Variants in RASSF3 observed in about 807,000 individuals in gnomAD.
RASSF3 encodes ras association domain-containing protein 3.
A neutral mutation model predicts 19.9 loss-of-function variants in RASSF3; 19 were observed. The observed-to-expected ratio is 0.96, with a 90% CI of 0.67 to 1.40. The LOEUF (loss-of-function observed/expected upper bound fraction) is 1.40. Among genes scored for constraint, RASSF3 ranks in the 40% most tolerant of loss-of-function variants. The pLI is 0.00. For missense variants in RASSF3, 306 were observed against 289.8 expected, an observed-to-expected ratio of 1.06 and a Z score of -0.41; for synonymous variants, 110 against 104.2, an observed-to-expected ratio of 1.06 and a Z score of -0.34.
In RASSF3 at chr12:64,671,135, A is replaced by T. The variant is rs576314121; in HGVS notation, c.112-13652A>T. Among the ~76,000 whole-genome samples, 4 of 152,268 alleles carry T rather than the reference A, an allele frequency of 2.6e-5. No individual in the cohort carries two copies. In the East Asian group the frequency reaches 7.7e-4, roughly 29 times the overall value. ...ACTCTCCCTTTGCCCCATCCCAAGA[A>T]TTTGGGTTGGCTAATCCTGCCCTGT... On this transcript the variant is annotated intron_variant, in intron 1 of 4. Transcript: ENST00000542104.
chr12:64,545,850 C>T (rs1420212000), downstream of RASSF3, among the ~76,000 whole-genome samples: 2 of 152,108 alleles, frequency 1.3e-5, no homozygotes. Flanking sequence ...TACATTCCTG[C>T]CTGGGTGACA....
intron 1 of RASSF3, among the ~76,000 whole-genome samples, chr12:64,667,429 C>T (rs925593994): frequency 2.6e-5 from 4 of 152,072 alleles, no homozygotes; most frequent in Admixed American, 1.3e-4. Flanking sequence ...CAGGTTCAAG[C>T]GATTCTCCCG....
intron 1 of RASSF3, among the ~76,000 whole-genome samples, chr12:64,526,794 C>T (rs1024026085): frequency 6.6e-5 from 10 of 152,182 alleles, no homozygotes; most frequent in African/African-American, 2.4e-4. Context: ...GATCCTCTTG[C>T]CTTAGCCTCC....
chr12:64,510,107 AT>A (rs1294052659), intron 1 of RASSF3, among the ~76,000 whole-genome samples: 1 of 149,536 alleles, frequency 6.7e-6, no homozygotes, highest in East Asian at 2.0e-4. Context: ...AAAAAAAAAA[AT>A]TTCTGTTGAA....
At chr12:64,529,291 A>G (rs1413289608), upstream of RASSF3, among the ~76,000 whole-genome samples, 1 of 152,232 alleles carries the variant, frequency 6.6e-6, no homozygotes, top group African/African-American at 2.4e-5. Context: ...TAAGCTAATT[A>G]TTACTGTTTT....
intron 2 of RASSF3, among the ~76,000 whole-genome samples, chr12:64,582,961 A>G (rs1869728633): frequency 6.6e-6 from 1 of 152,328 alleles, no homozygotes; most frequent in South Asian, 2.1e-4. Context: ...ATTTTGAAGT[A>G]CTTGATCAAT....
chr12:64,548,835 G>T (rs1869111667), intron 2 of RASSF3, among the ~76,000 whole-genome samples: 1 of 152,168 alleles, frequency 6.6e-6, no homozygotes, highest in Admixed American at 6.5e-5. Context: ...TTGGTGGGCA[G>T]GGTGAGGGAA....
rs17100552 is a variant in RASSF3 at position 64,677,580 on chromosome 12, G to T, written c.112-7207G>T. On this transcript the variant is annotated intron_variant, in intron 1 of 4. Transcript: ENST00000542104. ...GTGAGACACCATGCTTGGTGACTCTGCTTACTTTAATATCTTAGAAGTTTT... is the reference window on the plus strand; with the variant it reads ...GTGAGACACCATGCTTGGTGACTCTTCTTACTTTAATATCTTAGAAGTTTT... 4.7e-3 allele frequency among the ~76,000 whole-genome samples: 709 copies of T among 152,214 alleles called. 6 individuals carry two copies. Among genetic ancestry groups the T allele is most frequent in the African/African-American group, 0.017 (687 of 41,544 alleles).
intron 1 of RASSF3, among the ~76,000 whole-genome samples, chr12:64,641,192 T>TG (rs1203795646): frequency 6.6e-6 from 1 of 151,624 alleles, no homozygotes; most frequent in Non-Finnish European, 1.5e-5. Flanking sequence ...GCTCAGGAGT[T>TG]GGAGACCAGC....
At chr12:64,690,096 T>C (rs1868259794) in intron 3 of RASSF3, among the ~76,000 whole-genome samples, 1 of 151,834 alleles carries the variant, frequency 6.6e-6, no homozygotes, top group Non-Finnish European at 1.5e-5. Context: ...GCCTCGCTAA[T>C]TCTTAATTAA....
At chr12:64,610,810 C>G in intron 1 of RASSF3, 67 bp downstream of exon 1, 1 of 1,004,264 alleles carries the variant, frequency 1.0e-6, no homozygotes, top group Non-Finnish European at 1.4e-6. Flanking sequence ...CAGCCCGCGC[C>G]CCCTGCCTCC....
intron 1 of RASSF3, among the ~76,000 whole-genome samples, chr12:64,641,414 A>ACACACACACACACACACACGCG: frequency 1.8e-4 from 25 of 142,190 alleles, no homozygotes; most frequent in African/African-American, 6.7e-4. Flanking sequence ...ACACACACAC[A>ACACACACACACACACACACGCG]CGCGCGCGCG....
At chr12:64,594,748 G>T (rs1461989876) in intron 2 of RASSF3, among the ~76,000 whole-genome samples, 10 of 152,110 alleles carry the variant, frequency 6.6e-5, no homozygotes, top group African/African-American at 9.7e-5. Context: ...ATTTACATTT[G>T]TAAAGGAAAT....
chr12:64,586,524 A>T (rs560735759), intron 2 of RASSF3, among the ~76,000 whole-genome samples: 1 of 150,756 alleles, frequency 6.6e-6, no homozygotes, highest in East Asian at 2.0e-4. Flanking sequence ...AAGACTAAAA[A>T]GTAAAAATCC....
At chr12:64,615,391 C>T (rs1246116843) in intron 1 of RASSF3, among the ~76,000 whole-genome samples, 1 of 152,160 alleles carries the variant, frequency 6.6e-6, no homozygotes, top group Non-Finnish European at 1.5e-5. Context: ...GTGAAATTGT[C>T]TTCTGAACAA....
chr12:64,661,245 G>A (rs938286691), intron 1 of RASSF3, among the ~76,000 whole-genome samples: 2 of 152,176 alleles, frequency 1.3e-5, no homozygotes, highest in Non-Finnish European at 2.9e-5. Flanking sequence ...GGTGGCTGAT[G>A]CCTGTAATCC....
intron 1 of RASSF3, among the ~76,000 whole-genome samples, chr12:64,534,321 C>T (rs191190047): frequency 2.1e-4 from 32 of 151,972 alleles, no homozygotes; most frequent in African/African-American, 4.1e-4. Context: ...TCTACAACAA[C>T]GACACTAACA....
chr12:64,694,567 T>C lies in RASSF3; in HGVS notation c.568-196T>C, dbSNP rs540606656. 5.9e-5 allele frequency among the ~76,000 whole-genome samples: 9 copies of C among 152,096 alleles called. No homozygotes were observed. The South Asian group carries it at 1.7e-3, about 28-fold the overall frequency. ...GTGGGAGGAGAGGGTAGGAAGGTGATTGGTGTGAGCTGAGGTGGGAGTGGG... is the reference window on the plus strand; with the variant it reads ...GTGGGAGGAGAGGGTAGGAAGGTGACTGGTGTGAGCTGAGGTGGGAGTGGG... On this transcript the variant is annotated intron_variant, in intron 4 of 4. Transcript: ENST00000542104.
chr12:64,562,302 A>C (rs1433501412), intron 2 of RASSF3, among the ~76,000 whole-genome samples: 3 of 152,090 alleles, frequency 2.0e-5, no homozygotes, highest in Non-Finnish European at 4.4e-5. Flanking sequence ...CGGCCTCCCA[A>C]AGTGCTGGGA....
Sources: gnomAD v4.1 joint callset for allele counts (sites outside exome capture counted in the v4.1 genomes callset) on GRCh38, gnomAD v4.1.1 for gene constraint, MANE v1.5 for transcripts, NCBI Gene and HGNC (gene_info 2026-07-23, HGNC 2026-07-21) for gene names.